Variants in MARCHF1 observed in about 807,000 individuals in gnomAD.
MARCHF1 encodes the protein membrane associated ring-CH-type finger 1, also known as E3 ubiquitin-protein ligase MARCHF1.
A neutral mutation model predicts 54.2 loss-of-function variants in MARCHF1; 40 were observed. The observed-to-expected ratio is 0.74, with a 90% CI of 0.57 to 0.96. The LOEUF is 0.96. Ranked by LOEUF, MARCHF1 falls within the 40% of genes least tolerant of loss-of-function variation. The pLI is 0.00. For missense variants in MARCHF1, 586 were observed against 656.5 expected, an observed-to-expected ratio of 0.89 and a Z score of 1.17; for synonymous variants, 236 against 236.3, an observed-to-expected ratio of 1.00 and a Z score of 0.01.
intron 1 of MARCHF1, among the ~76,000 whole-genome samples, chr4:164,172,058 A>T (rs1051169935): frequency 1.3e-5 from 2 of 152,126 alleles, no homozygotes; most frequent in Non-Finnish European, 2.9e-5. Context: ...TCTGTGGCTC[A>T]ATATGGAGTC....
intron 8 of MARCHF1, among the ~76,000 whole-genome samples, chr4:163,560,104 C>T (rs1739420078): frequency 6.6e-6 from 1 of 151,982 alleles, no homozygotes. Context: ...TCAATTTGTT[C>T]TTTTGTTTCT....
intron 2 of MARCHF1, among the ~76,000 whole-genome samples, chr4:163,992,911 C>T (rs1261187090): frequency 6.6e-6 from 1 of 151,696 alleles, no homozygotes; most frequent in African/African-American, 2.4e-5. Flanking sequence ...AAGAATATTT[C>T]ACTACAAATC....
intron 4 of MARCHF1, among the ~76,000 whole-genome samples, chr4:163,771,077 G>C (rs977152503): frequency 1.3e-5 from 2 of 152,088 alleles, no homozygotes; most frequent in Admixed American, 6.6e-5. Context: ...GAAAAATAGT[G>C]ACCAAATTTT....
chr4:164,197,366 GGTCTAA>G, intron 1 of MARCHF1: 1 of 1,612,952 alleles, frequency 6.2e-7, no homozygotes, highest in Non-Finnish European at 8.5e-7. Context: ...CAATTGAAAA[GGTCTAA>G]GCTCTTGAGG....
intron 5 of MARCHF1, among the ~76,000 whole-genome samples, chr4:163,662,977 C>A (rs1239898106): frequency 1.2e-5 from 1 of 83,346 alleles, no homozygotes; most frequent in East Asian, 2.7e-4. Context: ...TTATTATTGG[C>A]CTGGAAAAAA....
chr4:163,558,703 GA>G (rs1001815342), intron 8 of MARCHF1, among the ~76,000 whole-genome samples: 3 of 152,180 alleles, frequency 2.0e-5, no homozygotes, highest in Non-Finnish European at 4.4e-5. Context: ...TGTTTAAGCA[GA>G]TCTCTAAGGA....
intron 3 of MARCHF1, among the ~76,000 whole-genome samples, chr4:163,943,962 G>T (rs1420650931): frequency 6.6e-6 from 1 of 151,442 alleles, no homozygotes; most frequent in African/African-American, 2.4e-5. Context: ...ACAGAAAAAT[G>T]CTTTTTTTTG....
At chr4:164,240,329 G>C (rs1732701038) in intron 1 of MARCHF1, among the ~76,000 whole-genome samples, 1 of 152,138 alleles carries the variant, frequency 6.6e-6, no homozygotes, top group Non-Finnish European at 1.5e-5. Flanking sequence ...GTTTTATTTG[G>C]CTTTACTTTG....
chr4:163,874,484 TG>T (rs1369316299), intron 3 of MARCHF1, among the ~76,000 whole-genome samples: 3 of 149,806 alleles, frequency 2.0e-5, no homozygotes, highest in Admixed American at 1.3e-4. Flanking sequence ...TATTATATTA[TG>T]GGTTCCTCCC....
intron 8 of MARCHF1, among the ~76,000 whole-genome samples, chr4:163,563,514 C>G (rs1014227538): frequency 1.3e-5 from 2 of 152,184 alleles, no homozygotes; most frequent in Non-Finnish European, 2.9e-5. Flanking sequence ...CTAATACACC[C>G]AGGCAGAAAT....
chr4:163,595,410 G>A (rs943496337), intron 7 of MARCHF1, among the ~76,000 whole-genome samples: 1 of 151,370 alleles, frequency 6.6e-6, no homozygotes, highest in Non-Finnish European at 1.5e-5. Context: ...CCAGCTACTT[G>A]GGAGGCTGAG....
chr4:164,030,622 A>G (rs2110991233), intron 2 of MARCHF1, among the ~76,000 whole-genome samples: 1 of 152,336 alleles, frequency 6.6e-6, no homozygotes, highest in Non-Finnish European at 1.5e-5. Flanking sequence ...CTGAATATCC[A>G]GAACGTTATT....
At position 164,049,441 on chromosome 4, in the gene MARCHF1, C is replaced by CT. The variant is rs34724622; in HGVS notation, c.-247-60733dup. Among the ~76,000 whole-genome samples the CT allele has an allele frequency of 4.0e-3, 599 of 148,248 alleles. 2 individuals carry two copies. The highest frequency in any genetic ancestry group is 0.012 in the African/African-American group (473 of 40,532). On this transcript the variant is annotated intron_variant, in intron 2 of 9. Transcript: ENST00000514618. ...AATCTTGGGGAACAGATACTATAAT[C>CT]TTTTTTTTTTTAAATAATGATACTT...
intron 1 of MARCHF1, among the ~76,000 whole-genome samples, chr4:164,233,894 A>G (rs1365034805): frequency 6.6e-6 from 1 of 152,220 alleles, no homozygotes. Context: ...ATGTATTTCT[A>G]TAAGGTCATT....
At position 163,672,096 on chromosome 4, in the gene MARCHF1, T is replaced by C. The variant is rs112257236; in HGVS notation, c.162+28717A>G. On this transcript the variant is annotated intron_variant, in intron 5 of 9. Transcript: ENST00000514618. ...CAGGCTCAGGGGTCTGATATCCTAGTTTCAAATGTGTCACACTAACCATGT... is the reference window on the plus strand; with the variant it reads ...CAGGCTCAGGGGTCTGATATCCTAGCTTCAAATGTGTCACACTAACCATGT... Among the ~76,000 whole-genome samples, 91 of 152,314 alleles carry C rather than the reference T, an allele frequency of 6.0e-4. 1 individual carries two copies. Among genetic ancestry groups the C allele is most frequent in the African/African-American group, 2.0e-3 (83 of 41,576 alleles).
intron 1 of MARCHF1, among the ~76,000 whole-genome samples, chr4:164,307,235 T>G (rs1478675922): frequency 6.6e-6 from 1 of 152,150 alleles, no homozygotes; most frequent in African/African-American, 2.4e-5. Flanking sequence ...AAAACAGACT[T>G]GTGCTAAGGA....
At chr4:164,096,814 A>AT (rs911350974) in intron 2 of MARCHF1, among the ~76,000 whole-genome samples, 6 of 152,270 alleles carry the variant, frequency 3.9e-5, no homozygotes, top group African/African-American at 9.6e-5. Context: ...AAAAAAGATC[A>AT]TTTTTTAGCC....
intron 1 of MARCHF1, among the ~76,000 whole-genome samples, chr4:164,316,361 C>T (rs1479619999): frequency 6.6e-6 from 1 of 152,140 alleles, no homozygotes; most frequent in Non-Finnish European, 1.5e-5. Flanking sequence ...AGATTCTGCT[C>T]ACCAGCTAGT....
intron 2 of MARCHF1, among the ~76,000 whole-genome samples, chr4:164,035,633 CAA>C (rs34846855): frequency 0.27 from 38,905 of 144,238 alleles, 6,017 homozygotes; most frequent in African/African-American, 0.43. Flanking sequence ...ATAAAGAATA[CAA>C]AAAAAAAAAA....
Sources: gnomAD v4.1 joint callset for allele counts (sites outside exome capture counted in the v4.1 genomes callset) on GRCh38, gnomAD v4.1.1 for gene constraint, MANE v1.5 for transcripts, NCBI Gene and HGNC (gene_info 2026-07-23, HGNC 2026-07-21) for gene names.